Variants in RALGDS observed in about 807,000 individuals in gnomAD.
RALGDS encodes the protein ral guanine nucleotide exchange factor.
Under a neutral mutation model 99.8 loss-of-function variants are expected in RALGDS, and 44 were observed. The observed-to-expected ratio is 0.44, with a 90% CI of 0.35 to 0.57. The LOEUF (loss-of-function observed/expected upper bound fraction) is 0.57. RALGDS is among the 20% of genes least tolerant of loss of function. The pLI, the probability that RALGDS is intolerant of heterozygous loss-of-function variation, is 0.01. For synonymous variants in RALGDS, 529 were observed against 505.0 expected (o/e 1.05, Z -0.64); for missense variants, 1,022 against 1,203.1 (o/e 0.85, Z 2.23).
Position 133,121,223 on chromosome 9 carries a change from C to A in RALGDS, c.-69G>T. 1.0e-6 allele frequency: 1 copy of A among 985,980 alleles called. No individual in the cohort carries two copies. Among genetic ancestry groups the A allele is most frequent in the South Asian group, 4.7e-5 (1 of 21,402 alleles). 61.1% of individuals were successfully genotyped at this position (985,980 alleles called of 1,614,324 possible). A position where few individuals can be genotyped will look rare whatever the true frequency, so the allele number is the denominator to read the frequency against. On this transcript the variant is annotated 5_prime_UTR_variant, in exon 1 of 18. Coordinates refer to ENST00000372050, the MANE Select transcript of RALGDS (RefSeq NM_006266.4). ...GGGGGCGGCGGCGCGGCCCGCGCGGCTGGGCTTTGCCACCGCTGTGAGCCC... is the reference window on the plus strand; with the variant it reads ...GGGGGCGGCGGCGCGGCCCGCGCGGATGGGCTTTGCCACCGCTGTGAGCCC...
intron 1 of RALGDS, chr9:133,129,264 T>A: frequency 6.3e-7 from 1 of 1,596,258 alleles, no homozygotes; most frequent in Non-Finnish European, 8.5e-7. Flanking sequence ...ACAGAGCCCT[T>A]CCTCCCCCTG....
intron 17 of RALGDS, 159 bp from the exon 18 acceptor site, chr9:133,098,921 T>A (rs1227130694): frequency 5.8e-6 from 4 of 683,862 alleles, no homozygotes; most frequent in Non-Finnish European, 7.6e-6. Context: ...CAATGACTCC[T>A]GCCTGAGGAC....
chr9:133,129,406 C>CA (rs1293012359), intron 1 of RALGDS: 1 of 1,432,154 alleles, frequency 7.0e-7, no homozygotes, highest in Non-Finnish European at 9.1e-7. Flanking sequence ...TGGAGTGGAG[C>CA]ACCCGAGTGC....
At chr9:133,117,389 G>A (rs138785791) in intron 1 of RALGDS, among the ~76,000 whole-genome samples, 70 of 152,216 alleles carry the variant, frequency 4.6e-4, no homozygotes, top group African/African-American at 1.3e-3. Context: ...CCTGCCCCTC[G>A]GTTGAGATGG....
chr9:133,108,196 G>A lies in RALGDS; in HGVS notation c.989C>T (p.Ala330Val), dbSNP rs749029769. The change falls in exon 6 of 18, where the codon GCG becomes GTG. Residue 330 changes from alanine (A) to valine (V), a missense_variant. Transcript: ENST00000372050. ...EPAVGLESAPAPALELEPAPE... is the reference protein window; with the variant it reads ...EPAVGLESAPVPALELEPAPE... ...AGCTGGCTCTAGTTCCAGAGCTGGC[G>A]CTGGAGCCGATTCTAGTCCCACAGC... 88 of 1,612,112 alleles carry A rather than the reference G, an allele frequency of 5.5e-5. No homozygotes were observed. The highest frequency in any genetic ancestry group is 3.3e-4 in the Middle Eastern group (2 of 6,054).
upstream of RALGDS, among the ~76,000 whole-genome samples, chr9:133,136,047 C>T (rs191539202): frequency 5.3e-5 from 8 of 152,146 alleles, no homozygotes; most frequent in East Asian, 1.4e-3. Context: ...AGAGAGGGCC[C>T]GGGGCACAAC....
chr9:133,116,625 G>C (rs1213372557), intron 1 of RALGDS, among the ~76,000 whole-genome samples: 1 of 152,270 alleles, frequency 6.6e-6, no homozygotes, highest in Non-Finnish European at 1.5e-5. Context: ...AGGTGGGCTG[G>C]TCCCAAGGGG....
At chr9:133,103,493 G>C (rs1830860859) in intron 11 of RALGDS, among the ~76,000 whole-genome samples, 1 of 152,190 alleles carries the variant, frequency 6.6e-6, no homozygotes, top group Non-Finnish European at 1.5e-5. Context: ...AGAAGGCCCT[G>C]CTCAGCCACC....
At chr9:133,147,774 G>T (rs1705026067) in intron 1 of RALGDS, among the ~76,000 whole-genome samples, 1 of 152,196 alleles carries the variant, frequency 6.6e-6, no homozygotes, top group Non-Finnish European at 1.5e-5. Flanking sequence ...TGTTGTCAAG[G>T]TAGCAGCTCT....
chr9:133,103,611 G>T, intron 11 of RALGDS, 136 bp downstream of exon 11: 1 of 932,398 alleles, frequency 1.1e-6, no homozygotes, highest in Non-Finnish European at 1.8e-6. Flanking sequence ...CTCTGTGTTT[G>T]GGCAGCCCTG....
At chr9:133,131,053 C>A in exon 1 of RALGDS, 1 of 1,528,672 alleles carries the variant, frequency 6.5e-7, no homozygotes, top group Non-Finnish European at 8.7e-7. Flanking sequence ...AGGGTGTGGG[C>A]AGGGGCTGTG....
intron 14 of RALGDS, 147 bp downstream of exon 14, chr9:133,102,329 G>A (rs548284350): frequency 3.2e-5 from 35 of 1,087,324 alleles, no homozygotes; most frequent in Middle Eastern, 4.8e-4. Context: ...GCCCAAAAAG[G>A]TGAGGGGACT....
intron 9 of RALGDS, 80 bp from the exon 10 acceptor site, chr9:133,104,411 G>A: frequency 1.5e-6 from 2 of 1,345,002 alleles, no homozygotes. Context: ...CTGCCAGTGT[G>A]GTCGGGTTCC....
At chr9:133,106,496 GAGC>G in intron 8 of RALGDS, 146 bp downstream of exon 8, 2 of 633,102 alleles carry the variant, frequency 3.2e-6, no homozygotes, top group South Asian at 3.3e-5. Flanking sequence ...TTAGGAAGCC[GAGC>G]TCTGAGGCAG....
At position 133,101,552 on chromosome 9, in the gene RALGDS, C is replaced by T. The variant is rs150849255; in HGVS notation, c.2422G>A (p.Val808Met). 20 of 1,612,240 alleles carry T rather than the reference C, an allele frequency of 1.2e-5. No homozygotes were observed. Among genetic ancestry groups the T allele is most frequent in the Admixed American group, 1.7e-5 (1 of 60,016 alleles). ...DCCIIRVSLD[V>M]DNGNMYKSIL... ...CTCTTGTACATGTTGCCATTGTCCA[C>T]GTCCAGGCTGACGCGGATGATACAG... The change falls in exon 16 of 18, where the codon GTG becomes ATG. Residue 808 changes from valine to methionine, a missense_variant. Coordinates refer to ENST00000372050, the MANE Select transcript of RALGDS (RefSeq NM_006266.4).
intron 4 of RALGDS, among the ~76,000 whole-genome samples, chr9:133,109,090 C>A (rs533369086): frequency 6.6e-6 from 1 of 152,376 alleles, no homozygotes; most frequent in South Asian, 2.1e-4. Context: ...GCACCCCCTC[C>A]TCGCTGGAAT....
At chr9:133,115,604 C>A (rs569632129) in intron 1 of RALGDS, among the ~76,000 whole-genome samples, 69 of 152,318 alleles carry the variant, frequency 4.5e-4, no homozygotes, top group Middle Eastern at 3.4e-3. Context: ...GGTGTGTCAT[C>A]TGGGGAGGGC....
intron 11 of RALGDS, 111 bp from the exon 12 acceptor site, chr9:133,103,373 C>G: frequency 7.3e-7 from 1 of 1,376,698 alleles, no homozygotes; most frequent in Non-Finnish European, 1.0e-6. Context: ...GGCACGCACA[C>G]CCCTGGATTG....
chr9:133,104,800 A>G (rs974922886), intron 9 of RALGDS, among the ~76,000 whole-genome samples: 9 of 152,280 alleles, frequency 5.9e-5, no homozygotes, highest in African/African-American at 2.2e-4. Flanking sequence ...AGACAGAGCG[A>G]GACTCCTTCT....
Sources: gnomAD v4.1 joint callset for allele counts (sites outside exome capture counted in the v4.1 genomes callset) on GRCh38, gnomAD v4.1.1 for gene constraint, MANE v1.5 for transcripts, NCBI Gene and HGNC (gene_info 2026-07-23, HGNC 2026-07-21) for gene names.